The following TAF3 variants were observed in gnomAD, a reference collection of about 807,000 sequenced individuals.
TAF3 encodes transcription initiation factor TFIID subunit 3.
TAF3 carries 7 observed loss-of-function variants against 80.6 expected under a neutral mutation model. That is an observed-to-expected ratio of 0.09 (90% CI 0.05 to 0.16). The LOEUF (loss-of-function observed/expected upper bound fraction) is 0.16, where lower values mean the gene tolerates loss of function less well. Among genes scored for constraint, TAF3 ranks in the 10% least tolerant of loss-of-function variants. The pLI, the probability that TAF3 is intolerant of heterozygous loss-of-function variation, is 1.00. For missense variants in TAF3, 921 were observed against 1,140.2 expected (o/e 0.81, Z 2.77); for synonymous variants, 444 against 446.1 (o/e 1.00, Z 0.06).
At chr10:7,935,747 C>T (rs531558627) in intron 2 of TAF3, among the ~76,000 whole-genome samples, 8 of 152,226 alleles carry the variant, frequency 5.3e-5, no homozygotes, top group African/African-American at 1.9e-4. Context: ...ACTGGGGAAG[C>T]ACATTCCAAA....
Position 7,963,945 on chromosome 10 carries a change from T to C in TAF3, c.435T>C (p.Thr145=). The change falls in exon 3 of 7, where the codon ACT becomes ACC. Residue 145 remains threonine (T), a synonymous_variant. Transcript: ENST00000344293. ...AAGAAGAAGAAGAGCAGGTGCCCAC[T>C]GATGGAGGCACATCAGCAGAAGCCA... ...QEEEEEEQVP[T]DGGTSAEAMQ... 6.2e-7 allele frequency: 1 copy of C among 1,600,370 alleles called. No homozygotes were observed. Among genetic ancestry groups the C allele is most frequent in the East Asian group, 2.2e-5 (1 of 44,680 alleles).
At chr10:7,929,386 G>A (rs1275992075) in intron 2 of TAF3, among the ~76,000 whole-genome samples, 2 of 151,984 alleles carry the variant, frequency 1.3e-5, no homozygotes, top group Non-Finnish European at 2.9e-5. Flanking sequence ...CTGGATGGTA[G>A]GATTATGGAT....
chr10:7,961,359 T>C (rs1003609228), intron 2 of TAF3, among the ~76,000 whole-genome samples: 1 of 152,202 alleles, frequency 6.6e-6, no homozygotes, highest in Non-Finnish European at 1.5e-5. Flanking sequence ...TACTTCCCCA[T>C]GCATCATCTC....
At chr10:7,898,545 C>CAAAAAAAAAAAAAAAAAAAAAAAA (rs35137273) in intron 2 of TAF3, among the ~76,000 whole-genome samples, 1 of 96,204 alleles carries the variant, frequency 1.0e-5, no homozygotes, top group African/African-American at 4.4e-5. Flanking sequence ...GACTCTGTCT[C>CAAAAAAAAAAAAAAAAAAAAAAAA]AAAAAAAAAA....
intron 4 of TAF3, among the ~76,000 whole-genome samples, chr10:7,997,744 GAA>G (rs2131432556): frequency 6.6e-6 from 1 of 152,282 alleles, no homozygotes; most frequent in South Asian, 2.1e-4. Flanking sequence ...TTATTCAACA[GAA>G]AGCTCTGGAC....
chr10:7,948,734 A>G (rs1838051340), intron 2 of TAF3, among the ~76,000 whole-genome samples: 1 of 152,206 alleles, frequency 6.6e-6, no homozygotes, highest in Non-Finnish European at 1.5e-5. Flanking sequence ...AAGCTTAAAT[A>G]CTGATCTTTT....
chr10:7,823,005 C>T (rs1280428291), intron 1 of TAF3, among the ~76,000 whole-genome samples: 1 of 152,030 alleles, frequency 6.6e-6, no homozygotes, highest in Non-Finnish European at 1.5e-5. Flanking sequence ...CCCAGCTACT[C>T]AGAAGGTGAA....
chr10:7,949,445 A>G (rs1588562652), intron 2 of TAF3, among the ~76,000 whole-genome samples: 1 of 152,240 alleles, frequency 6.6e-6, no homozygotes, highest in Admixed American at 6.5e-5. Flanking sequence ...ACTTAGGGCA[A>G]CAGCCAAGCA....
At chr10:8,014,349 T>C (rs898652505) in intron 6 of TAF3, among the ~76,000 whole-genome samples, 1 of 152,238 alleles carries the variant, frequency 6.6e-6, no homozygotes, top group African/African-American at 2.4e-5. Flanking sequence ...TGTTCAGTTA[T>C]GATAGACGAT....
rs1454045453 is a variant in TAF3, at chr10:7,964,827, C to T, written c.1317C>T (p.Ser439=). 1.5e-5 allele frequency: 24 copies of T among 1,614,128 alleles called. No homozygotes were observed. In the South Asian group the frequency reaches 2.2e-4, roughly 15 times the overall value. ...GTACTACTCCCAAAGCTTCCACTTC[C>T]GCGAACAATTTCACAAAGTCAGGAT... ...PECTTPKAST[S]ANNFTKSGST... is the part of the protein sequence containing the mutation. The change falls in exon 3 of 7, where the codon TCC becomes TCT. Residue 439 remains serine, a synonymous_variant. Coordinates refer to ENST00000344293, the MANE Select transcript of TAF3 (RefSeq NM_031923.4). The surrounding 1 kb of genome is among the most constrained non-coding windows in gnomAD (Gnocchi z 4.1).
intron 2 of TAF3, among the ~76,000 whole-genome samples, chr10:7,929,256 G>T (rs1212735761): frequency 4.8e-5 from 5 of 105,256 alleles, no homozygotes; most frequent in African/African-American, 5.6e-5. Context: ...TATTTTTTTT[G>T]TTGTTTTTTT....
rs770492572 is a variant in TAF3 at position 7,964,918 on chromosome 10, A to G, written c.1408A>G (p.Ile470Val). The G allele has an allele frequency of 6.2e-7, 1 of 1,614,150 alleles. No individual in the cohort carries two copies. Among genetic ancestry groups the G allele is most frequent in the Non-Finnish European group, 8.5e-7 (1 of 1,180,026 alleles). Residue 470 changes from isoleucine to valine, a missense_variant, in exon 3 of 7, where the codon ATT (isoleucine) becomes GTT (valine). Physicochemically the swap from Ile to Val is conservative, Grantham distance 29. This residue lies in a region of TAF3 where 743 missense variants were observed against 821.0 expected (regional missense o/e 0.90). Transcript: ENST00000344293. This position sits in a 1 kb window ranked among gnomAD's most constrained non-coding sequence, Gnocchi z 4.1. ...SDNSWTMDAS[I>V]DEVVRKAKLG... ...TAACTCATGGACAATGGATGCCTCC[A>G]TTGATGAGGTTGTACGTAAAGCAAA...
At position 7,994,140 on chromosome 10, in the gene TAF3, C is replaced by T. The variant is rs73616096; in HGVS notation, c.2316-14938C>T. 1.7e-3 allele frequency among the ~76,000 whole-genome samples: 260 copies of T among 150,832 alleles called. 2 individuals carry two copies. The highest frequency in any genetic ancestry group is 6.1e-3 in the African/African-American group (250 of 41,090). On this transcript the variant is annotated intron_variant, in intron 4 of 6. Transcript: ENST00000344293. ...TTTTGTTTTCATGTTCATATTGTAC[C>T]ATCTTGACCAACGTGAATTCCTTCA...
intron 2 of TAF3, among the ~76,000 whole-genome samples, chr10:7,882,748 T>C (rs1007626930): frequency 6.6e-6 from 1 of 152,194 alleles, no homozygotes; most frequent in African/African-American, 2.4e-5. Context: ...TTGTAGAATG[T>C]AGTACGTAAC....
At chr10:7,909,318 T>C (rs1837636161) in intron 2 of TAF3, among the ~76,000 whole-genome samples, 1 of 152,212 alleles carries the variant, frequency 6.6e-6, no homozygotes, top group Non-Finnish European at 1.5e-5. Flanking sequence ...ACATGCACCC[T>C]AGTCAGGAGG....
chr10:7,828,730 A>G (rs1225643999), intron 2 of TAF3, among the ~76,000 whole-genome samples: 1 of 151,836 alleles, frequency 6.6e-6, no homozygotes, highest in Admixed American at 6.6e-5. Flanking sequence ...GGTTCAAAAT[A>G]TTTGCATAAG....
At chr10:7,982,508 C>T (rs947262575) in intron 4 of TAF3, among the ~76,000 whole-genome samples, 1 of 152,170 alleles carries the variant, frequency 6.6e-6, no homozygotes, top group Non-Finnish European at 1.5e-5. Context: ...AAGTGATTCT[C>T]CGGCCTAAGC....
intron 5 of TAF3, among the ~76,000 whole-genome samples, chr10:8,010,711 A>G (rs1015925289): frequency 1.3e-5 from 2 of 152,184 alleles, no homozygotes; most frequent in Non-Finnish European, 2.9e-5. Context: ...GTTCGAGACC[A>G]GCCTGGCCAA....
At chr10:7,919,620 C>G (rs1158704175) in intron 2 of TAF3, among the ~76,000 whole-genome samples, 1 of 152,078 alleles carries the variant, frequency 6.6e-6, no homozygotes, top group Non-Finnish European at 1.5e-5. Context: ...TGCTCAAGTC[C>G]CTTATGTAAA....
Sources: gnomAD v4.1 joint callset for allele counts (sites outside exome capture counted in the v4.1 genomes callset) on GRCh38, gnomAD v4.1.1 for gene constraint, gnomAD v4.1.1 regional missense constraint, Gnocchi (gnomAD v3.1) non-coding constraint, MANE v1.5 for transcripts, NCBI Gene and HGNC (gene_info 2026-07-23, HGNC 2026-07-21) for gene names.